ETNPPL: variants seen among roughly 807,000 people sequenced by gnomAD.
ETNPPL encodes the protein ethanolamine-phosphate phospho-lyase.
A neutral mutation model predicts 55.5 loss-of-function variants in ETNPPL; 30 were observed. The ratio of observed to expected loss-of-function variants is 0.54; its 90% CI spans 0.40 to 0.73. ETNPPL has a LOEUF of 0.73. ETNPPL is among the 30% of genes least tolerant of loss of function. The probability of loss-of-function intolerance (pLI) is 0.00; values close to 1 mark genes in which losing one functional copy is unlikely to be tolerated. For synonymous variants in ETNPPL, 202 were observed against 207.2 expected, an observed-to-expected ratio of 0.98 and a Z score of 0.21; for missense variants, 528 against 607.9, an observed-to-expected ratio of 0.87 and a Z score of 1.38.
chr4:108,749,591 A>T (rs1728799798), intron 7 of ETNPPL, 128 bp from the exon 8 acceptor site: 2 of 639,790 alleles, frequency 3.1e-6, no homozygotes, highest in South Asian at 3.9e-5. Flanking sequence ...TTCTTAAAAA[A>T]CATTTCAGTA....
chr4:108,744,715 AT>A (rs530380404), intron 11 of ETNPPL, among the ~76,000 whole-genome samples: 4,896 of 121,154 alleles, frequency 0.04, 50 homozygotes, highest in Non-Finnish European at 0.055. Flanking sequence ...AGAAGTTGAA[AT>A]TTTTTTTTTT....
In ETNPPL at chr4:108,759,736, C is replaced by T. The variant is rs751867418; in HGVS notation, c.335+13G>A. On this transcript the variant is annotated intron_variant, in intron 3 of 12. Coordinates refer to ENST00000296486, the MANE Select transcript of ETNPPL (RefSeq NM_031279.4). ...AGTGGGAATGGGGAGGGGTGGGAAA[C>T]CATGAAGCATACCCTGAATTTGTAA... The T allele has an allele frequency of 1.9e-6, 3 of 1,613,526 alleles. No individual in the cohort carries two copies. The highest frequency in any genetic ancestry group is 1.6e-4 in the Middle Eastern group (1 of 6,062).
At chr4:108,747,145 T>A (rs867010357) in intron 9 of ETNPPL, among the ~76,000 whole-genome samples, 41 of 22,900 alleles carry the variant, frequency 1.8e-3, no homozygotes, top group African/African-American at 0.012. Context: ...TATATATATA[T>A]ATAATATATA....
At chr4:108,742,709 G>C (rs536130315) in intron 12 of ETNPPL, 97 bp from the exon 13 acceptor site, 37 of 1,427,542 alleles carry the variant, frequency 2.6e-5, no homozygotes, top group Non-Finnish European at 3.1e-5. Flanking sequence ...AAAGGACACA[G>C]AAAAACCAAA....
chr4:108,744,412 A>G (rs1728364709), intron 11 of ETNPPL, among the ~76,000 whole-genome samples: 1 of 152,036 alleles, frequency 6.6e-6, no homozygotes, highest in African/African-American at 2.4e-5. Flanking sequence ...TATTAATAAC[A>G]CTCAAGCTCT....
At chr4:108,744,319 T>C (rs567700305) in intron 11 of ETNPPL, among the ~76,000 whole-genome samples, 1 of 152,180 alleles carries the variant, frequency 6.6e-6, no homozygotes, top group African/African-American at 2.4e-5. Flanking sequence ...TGTAGTATTT[T>C]ACCATTATCA....
intron 1 of ETNPPL, among the ~76,000 whole-genome samples, chr4:108,761,268 A>C (rs1391352793): frequency 6.6e-6 from 1 of 152,166 alleles, no homozygotes; most frequent in African/African-American, 2.4e-5. Context: ...CACACATTGG[A>C]GGTAGTTCTA....
At chr4:108,745,235 C>T (rs1399369912) in intron 11 of ETNPPL, among the ~76,000 whole-genome samples, 1 of 151,646 alleles carries the variant, frequency 6.6e-6, no homozygotes, top group Non-Finnish European at 1.5e-5. Flanking sequence ...AACAAAAGTC[C>T]TCAAAAGTTA....
rs539667788 is a variant in ETNPPL at position 108,749,261 on chromosome 4, A to G, written c.904T>C (p.Ser302Pro). Residue 302 changes from serine (S) to proline (P), a missense_variant, in exon 8 of 13, where the codon TCT (serine) becomes CCT (proline). Coordinates refer to ENST00000296486, the MANE Select transcript of ETNPPL (RefSeq NM_031279.4). ...ACCGTATTAAAATATTCCATCCCAGAGCTGCTGAAGGCTTCTGCAATTTCT... is the reference window on the plus strand; with the variant it reads ...ACCGTATTAAAATATTCCATCCCAGGGCTGCTGAAGGCTTCTGCAATTTCT... ...TKEIAEAFSS[S>P]GMEYFNTYGG... 18 of 1,613,704 alleles carry G rather than the reference A, an allele frequency of 1.1e-5. No homozygotes were observed. In the Admixed American group the frequency reaches 1.2e-4, roughly 10 times the overall value.
At chr4:108,744,275 A>G (rs1362645644) in intron 11 of ETNPPL, among the ~76,000 whole-genome samples, 1 of 152,198 alleles carries the variant, frequency 6.6e-6, no homozygotes, top group African/African-American at 2.4e-5. Context: ...AGAAAAAAAA[A>G]AAAATCACTA....
At chr4:108,749,519 C>T in intron 7 of ETNPPL, 56 bp from the exon 8 acceptor site, 2 of 1,308,332 alleles carry the variant, frequency 1.5e-6, no homozygotes, top group Non-Finnish European at 2.2e-6. Context: ...CCCAAACCCA[C>T]CCACAAAGAT....
At chr4:108,758,875 A>G (rs775198204) in intron 3 of ETNPPL, among the ~76,000 whole-genome samples, 14 of 151,920 alleles carry the variant, frequency 9.2e-5, no homozygotes, top group Non-Finnish European at 2.1e-4. Context: ...ACATGGAGAA[A>G]CTCCATCTCT....
At position 108,756,415 on chromosome 4, in the gene ETNPPL, T is replaced by A. The variant is rs1729196961; in HGVS notation, c.410+3A>T. 6.2e-7 allele frequency: 1 copy of A among 1,611,618 alleles called. No individual in the cohort carries two copies. Among genetic ancestry groups the A allele is most frequent in the African/African-American group, 1.3e-5 (1 of 75,012 alleles). On this transcript the variant is annotated splice_donor_region_variant and intron_variant, in intron 4 of 12. Coordinates refer to ENST00000296486, the MANE Select transcript of ETNPPL (RefSeq NM_031279.4). ...GCTTAAAAATCTTGTGTCCAAGACT[T>A]ACTGGTCAAGAGTGATCACATCCTG...
Position 108,742,400 on chromosome 4 carries a change from A to T in ETNPPL, c.*84T>A. 10 of 1,388,538 alleles carry T rather than the reference A, an allele frequency of 7.2e-6. No individual in the cohort carries two copies. The highest frequency in any genetic ancestry group is 1.0e-5 in the Non-Finnish European group (10 of 987,420). The allele number at this position is 1,388,538 out of a possible 1,614,324, so 86.0% of individuals were successfully genotyped here. On this transcript the variant is annotated 3_prime_UTR_variant, in exon 13 of 13. Transcript: ENST00000296486. ...AACTGACAATTCCACCTTTAGAGGT[A>T]TAATAGAGCTATTAACCGATGAGAC...
chr4:108,750,425 C>T (rs1728838617), intron 7 of ETNPPL, among the ~76,000 whole-genome samples: 1 of 151,594 alleles, frequency 6.6e-6, no homozygotes, highest in Non-Finnish European at 1.5e-5. Context: ...AACTGGTTGT[C>T]CTTGCTCCCC....
chr4:108,758,281 C>T (rs933960904), intron 3 of ETNPPL, among the ~76,000 whole-genome samples: 2 of 152,006 alleles, frequency 1.3e-5, no homozygotes, highest in Non-Finnish European at 2.9e-5. Flanking sequence ...TGAGCCACCA[C>T]GCCGAACCAT....
chr4:108,752,856 A>T lies in ETNPPL; in HGVS notation c.618+39T>A, dbSNP rs1578386773. ...TCCCAACAGTTTTAATCCCTTTTATAAAAGATGTTGAGATGTTTCCAAAGC... is the reference window on the plus strand; with the variant it reads ...TCCCAACAGTTTTAATCCCTTTTATTAAAGATGTTGAGATGTTTCCAAAGC... On this transcript the variant is annotated intron_variant, in intron 6 of 12. Coordinates refer to ENST00000296486, the MANE Select transcript of ETNPPL (RefSeq NM_031279.4). 4 of 1,144,476 alleles carry T rather than the reference A, an allele frequency of 3.5e-6. No homozygotes were observed. The South Asian group carries it at 5.2e-5, about 15-fold the overall frequency. 70.9% of individuals were successfully genotyped at this position (1,144,476 alleles called of 1,614,324 possible).
rs760475668 is a variant in ETNPPL at position 108,756,428 on chromosome 4, T to C, written c.400A>G (p.Thr134Ala). Residue 134 changes from threonine to alanine, a missense_variant, in exon 4 of 13, where the codon ACT becomes GCT. Thr to Ala is a moderately conservative substitution (Grantham distance 58). Transcript: ENST00000296486. ...GTGTCCAAGACTTACTGGTCAAGAG[T>C]GATCACATCCTGGTGGCCTCTGAAC... The part of the protein sequence containing the change: ...RQFRGHQDVI[T>A]LDHAYHGHLS... 1 of 1,613,510 alleles carries C rather than the reference T, an allele frequency of 6.2e-7. No homozygotes were observed. Among genetic ancestry groups the C allele is most frequent in the South Asian group, 1.1e-5 (1 of 91,052 alleles).
chr4:108,749,071 T>C (rs916954538), intron 8 of ETNPPL, among the ~76,000 whole-genome samples, 167 bp downstream of exon 8: 1 of 152,022 alleles, frequency 6.6e-6, no homozygotes, highest in African/African-American at 2.4e-5. Flanking sequence ...ATTTTATATA[T>C]ATATGTAAGT....
Sources: gnomAD v4.1 joint callset for allele counts (sites outside exome capture counted in the v4.1 genomes callset) on GRCh38, gnomAD v4.1.1 for gene constraint, MANE v1.5 for transcripts, NCBI Gene and HGNC (gene_info 2026-07-23, HGNC 2026-07-21) for gene names.